Variants in WWOX observed in about 807,000 individuals in gnomAD.
WWOX encodes the protein WW domain-containing oxidoreductase.
In WWOX, 69 loss-of-function variants were observed where a neutral mutation model predicts 46.2. That is an observed-to-expected ratio of 1.49 (90% CI 1.23 to 1.82). The LOEUF is 1.82. WWOX is among the 40% of genes most tolerant of loss of function. The probability of loss-of-function intolerance (pLI) is 0.00; values close to 1 mark genes in which losing one functional copy is unlikely to be tolerated. For missense variants in WWOX, 919 were observed against 542.6 expected (o/e 1.69, Z -6.89); for synonymous variants, 359 against 202.6 (o/e 1.77, Z -6.56).
intron 8 of WWOX, among the ~76,000 whole-genome samples, chr16:79,020,882 C>T (rs1303423344): frequency 4.6e-5 from 7 of 152,020 alleles, no homozygotes; most frequent in Non-Finnish European, 8.8e-5. Flanking sequence ...AGGCAGCCTG[C>T]TGTTTATAGA....
At chr16:78,154,982 A>T (rs1392297719) in intron 4 of WWOX, among the ~76,000 whole-genome samples, 1 of 152,168 alleles carries the variant, frequency 6.6e-6, no homozygotes, top group African/African-American at 2.4e-5. Flanking sequence ...CATGGTCAAC[A>T]TGACCAACTA....
At chr16:78,692,363 C>G (rs1250445677) in intron 8 of WWOX, among the ~76,000 whole-genome samples, 2 of 152,144 alleles carry the variant, frequency 1.3e-5, no homozygotes. Flanking sequence ...TTACCAGTTC[C>G]CAAAGCTTCA....
chr16:78,464,283 G>A (rs62034123), intron 8 of WWOX, among the ~76,000 whole-genome samples: 5,343 of 151,326 alleles, frequency 0.035, 177 homozygotes, highest in African/African-American at 0.081. Context: ...ATGGAGGGAG[G>A]CAAAAAGAAA....
intron 8 of WWOX, among the ~76,000 whole-genome samples, chr16:78,977,429 A>T (rs1282193691): frequency 2.0e-5 from 3 of 152,160 alleles, no homozygotes; most frequent in Non-Finnish European, 4.4e-5. Context: ...CTCGCCCCAC[A>T]AGCAAAGCAC....
At chr16:78,658,836 A>C (rs543506398) in intron 8 of WWOX, among the ~76,000 whole-genome samples, 4 of 151,930 alleles carry the variant, frequency 2.6e-5, no homozygotes, top group Non-Finnish European at 5.9e-5. Flanking sequence ...TCATGCCTGT[A>C]ATCCCAGAAT....
At chr16:78,867,707 A>C (rs541413357) in intron 8 of WWOX, among the ~76,000 whole-genome samples, 8 of 152,144 alleles carry the variant, frequency 5.3e-5, no homozygotes, top group African/African-American at 1.9e-4. Flanking sequence ...TGCCTGGCTA[A>C]TTAAGTGAGT....
At chr16:78,904,059 G>C (rs1277138761) in intron 8 of WWOX, among the ~76,000 whole-genome samples, 1 of 151,962 alleles carries the variant, frequency 6.6e-6, no homozygotes, top group Non-Finnish European at 1.5e-5. Flanking sequence ...CTGAAATTAG[G>C]GAACACCACG....
At chr16:78,179,045 G>T (rs1220054718) in intron 5 of WWOX, among the ~76,000 whole-genome samples, 2 of 152,126 alleles carry the variant, frequency 1.3e-5, no homozygotes, top group African/African-American at 4.8e-5. Flanking sequence ...ATGATAATCA[G>T]GTGGCTGGGT....
At position 78,751,721 on chromosome 16, in the gene WWOX, G is replaced by C. The variant is rs147178927; in HGVS notation, c.1056+318969G>C. 4.6e-3 allele frequency among the ~76,000 whole-genome samples: 699 copies of C among 151,018 alleles called. 5 individuals carry two copies. The highest frequency in any genetic ancestry group is 0.016 in the African/African-American group (661 of 41,038). On this transcript the variant is annotated intron_variant, in intron 8 of 8. Transcript: ENST00000566780. The stretch of plus-strand genomic sequence containing the variant: ...AGGTTCAGTTCCTTACCAACACGTA[G>C]ACATGTTGTGATGAAAGAAGGAAAG...
chr16:78,307,414 A>T (rs915759533), intron 5 of WWOX, among the ~76,000 whole-genome samples: 1 of 152,204 alleles, frequency 6.6e-6, no homozygotes, highest in Non-Finnish European at 1.5e-5. Flanking sequence ...AAGTACAATT[A>T]TAAGTGTTCT....
chr16:78,365,147 G>A (rs749978285), intron 5 of WWOX, among the ~76,000 whole-genome samples: 5 of 152,290 alleles, frequency 3.3e-5, no homozygotes, highest in Non-Finnish European at 7.3e-5. Context: ...ACTTCTTGAA[G>A]ATGCTGAGGT....
At chr16:78,994,169 T>G (rs1425015854) in intron 8 of WWOX, among the ~76,000 whole-genome samples, 2 of 152,218 alleles carry the variant, frequency 1.3e-5, no homozygotes, top group Non-Finnish European at 2.9e-5. Context: ...TCAGACAAAC[T>G]GCATCACATC....
chr16:79,104,997 C>G (rs902017313), intron 8 of WWOX, among the ~76,000 whole-genome samples: 1 of 152,126 alleles, frequency 6.6e-6, no homozygotes, highest in Non-Finnish European at 1.5e-5. Flanking sequence ...CCTCATGATA[C>G]TGGAAGGCAG....
chr16:78,309,082 A>G (rs2080186129), intron 5 of WWOX, among the ~76,000 whole-genome samples: 1 of 152,194 alleles, frequency 6.6e-6, no homozygotes, highest in African/African-American at 2.4e-5. Context: ...ACCAATTACC[A>G]ATCTGAAAAT....
In WWOX at chr16:78,472,207, A is replaced by G. The variant is rs139874691; in HGVS notation, c.1056+39455A>G. Among the ~76,000 whole-genome samples the G allele has an allele frequency of 6.5e-3, 992 of 152,276 alleles. 15 individuals are homozygous for G. The highest frequency in any genetic ancestry group is 0.023 in the African/African-American group (949 of 41,562). On this transcript the variant is annotated intron_variant, in intron 8 of 8. Transcript: ENST00000566780. ...CCAACCACCTAGAAGCACCAATACA[A>G]GGAACTGGCTGCATATTGCATTCCT...
chr16:79,049,734 G>A (rs1942762701), intron 8 of WWOX, among the ~76,000 whole-genome samples: 1 of 151,822 alleles, frequency 6.6e-6, no homozygotes. Context: ...CACTTGGGAG[G>A]CTGAGGCAGA....
intron 8 of WWOX, among the ~76,000 whole-genome samples, chr16:79,080,611 A>G (rs577125438): frequency 1.3e-4 from 20 of 152,288 alleles, no homozygotes; most frequent in South Asian, 2.1e-4. Flanking sequence ...GATGGACTCA[A>G]TCTGGACCCA....
chr16:78,725,558 G>A (rs1028793027), intron 8 of WWOX, among the ~76,000 whole-genome samples: 1 of 151,530 alleles, frequency 6.6e-6, no homozygotes, highest in East Asian at 1.9e-4. Context: ...TGTTGGTCAC[G>A]GTGGTCTCAA....
intron 8 of WWOX, among the ~76,000 whole-genome samples, chr16:79,140,030 C>G (rs1319058389): frequency 6.6e-6 from 1 of 152,208 alleles, no homozygotes; most frequent in Non-Finnish European, 1.5e-5. Context: ...GCTGTCAGCA[C>G]CATGGGGCCT....
Sources: allele counts gnomAD v4.1 joint callset (sites outside exome capture counted in the v4.1 genomes callset), GRCh38; gene constraint gnomAD v4.1.1; transcripts MANE v1.5; gene names NCBI Gene and HGNC (gene_info 2026-07-23, HGNC 2026-07-21).